Variants in TLK2 observed in about 807,000 individuals in gnomAD.
TLK2 encodes tousled like kinase 2.
Under a neutral mutation model 117.3 loss-of-function variants are expected in TLK2, and 6 were observed. The observed-to-expected ratio is 0.05, with a 90% CI of 0.03 to 0.10. TLK2 has a LOEUF of 0.10. Ranked by LOEUF, TLK2 falls within the 10% of genes least tolerant of loss-of-function variation. The pLI, the probability that TLK2 is intolerant of heterozygous loss-of-function variation, is 1.00. For missense variants in TLK2, 299 were observed against 901.2 expected (o/e 0.33, Z 8.56); for synonymous variants, 257 against 316.7 (o/e 0.81, Z 2.00).
Position 62,560,229 on chromosome 17 carries a change from G to C in TLK2, c.831+103G>C, listed in dbSNP as rs569210359. ...CTTGAGATGAAAATATTTAAAAGTA[G>C]AGCTTTTTAGGAACATGATTTGACA... On this transcript the variant is annotated intron_variant, in intron 10 of 21. Coordinates refer to ENST00000346027, the MANE Select transcript of TLK2 (RefSeq NM_006852.6). 3.0e-5 allele frequency: 25 copies of C among 835,682 alleles called. 1 individual carries two copies. The South Asian group carries it at 5.7e-4, about 19-fold the overall frequency. 51.8% of individuals were successfully genotyped at this position (835,682 alleles called of 1,614,324 possible). A position where few individuals can be genotyped will look rare whatever the true frequency, so the allele number is the denominator to read the frequency against.
chr17:62,489,871 C>A (rs951547018), intron 2 of TLK2, among the ~76,000 whole-genome samples: 4 of 152,080 alleles, frequency 2.6e-5, no homozygotes, highest in African/African-American at 7.2e-5. Flanking sequence ...AGTCAACTTG[C>A]CCAGGCTGGA....
chr17:62,509,952 G>C (rs2075014737), intron 2 of TLK2, among the ~76,000 whole-genome samples: 1 of 152,158 alleles, frequency 6.6e-6, no homozygotes, highest in Non-Finnish European at 1.5e-5. Flanking sequence ...CCAGCCTCCA[G>C]AACTGTCAGA....
intron 13 of TLK2, among the ~76,000 whole-genome samples, chr17:62,577,263 C>G (rs950685017): frequency 3.4e-4 from 51 of 152,086 alleles, no homozygotes; most frequent in African/African-American, 1.1e-3. Context: ...CCATGCCTGG[C>G]CTATCTTTGC....
At chr17:62,594,099 A>C (rs892092448) in intron 16 of TLK2, among the ~76,000 whole-genome samples, 3 of 151,534 alleles carry the variant, frequency 2.0e-5, no homozygotes, top group Non-Finnish European at 4.4e-5. Flanking sequence ...GCTCTCTAAA[A>C]TTTAAATAAT....
intron 1 of TLK2, among the ~76,000 whole-genome samples, chr17:62,472,526 C>T (rs552710977): frequency 6.6e-6 from 1 of 151,908 alleles, no homozygotes; most frequent in South Asian, 2.1e-4. Context: ...ATCACGAGGT[C>T]GGGAGATCGA....
At chr17:62,591,667 A>G (rs1312446319) in intron 16 of TLK2, among the ~76,000 whole-genome samples, 1 of 152,174 alleles carries the variant, frequency 6.6e-6, no homozygotes, top group African/African-American at 2.4e-5. Flanking sequence ...CTAAGCCCAA[A>G]TAGTTTCCAT....
At chr17:62,501,093 C>T (rs568453720) in intron 2 of TLK2, among the ~76,000 whole-genome samples, 31 of 152,096 alleles carry the variant, frequency 2.0e-4, no homozygotes, top group African/African-American at 7.2e-4. Flanking sequence ...AAAAAATTAG[C>T]CGGGCGTGGT....
At chr17:62,538,171 G>A (rs1255708004) in intron 7 of TLK2, among the ~76,000 whole-genome samples, 4 of 151,386 alleles carry the variant, frequency 2.6e-5, no homozygotes, top group Admixed American at 6.6e-5. Context: ...GAGTAGCTGG[G>A]ACTACAGGCA....
rs1555630572 is a variant in TLK2, at chr17:62,549,420, A to AAAAAAAAAAAAAAGT, written c.532-2869_532-2868insGTAAAAAAAAAAAAA. Among the ~76,000 whole-genome samples, 10 of 7,458 alleles carry AAAAAAAAAAAAAAGT rather than the reference A, an allele frequency of 1.3e-3. 1 individual carries two copies. Among genetic ancestry groups the AAAAAAAAAAAAAAGT allele is most frequent in the South Asian group, 0.022 (1 of 46 alleles). The allele number at this position is 7,458 out of a possible 152,430, so 4.9% of individuals were successfully genotyped here. A position where few individuals can be genotyped will look rare whatever the true frequency, so the allele number is the denominator to read the frequency against. The stretch of plus-strand genomic sequence containing the variant: ...TCTCAAAAAAAAAAAAAAAAAAAAA[A>AAAAAAAAAAAAAAGT]AAAAAAAAAAAAAAAAATAGAAACA... On this transcript the variant is annotated intron_variant, in intron 7 of 21. Transcript: ENST00000346027.
chr17:62,552,843 T>C (rs920979308), intron 8 of TLK2, among the ~76,000 whole-genome samples: 1 of 152,308 alleles, frequency 6.6e-6, no homozygotes, highest in South Asian at 2.1e-4. Flanking sequence ...AGTGTACTTG[T>C]AGTAGGCTTT....
At chr17:62,592,804 T>G (rs1489793608) in intron 16 of TLK2, among the ~76,000 whole-genome samples, 1 of 152,172 alleles carries the variant, frequency 6.6e-6, no homozygotes, top group Non-Finnish European at 1.5e-5. Flanking sequence ...TAATGTAGAA[T>G]CAGTGGGAGC....
At chr17:62,504,664 C>T (rs1351205683) in intron 2 of TLK2, among the ~76,000 whole-genome samples, 3 of 151,938 alleles carry the variant, frequency 2.0e-5, no homozygotes, top group Non-Finnish European at 4.4e-5. Context: ...TAAAAAAAGC[C>T]GGACATGGCG....
intron 2 of TLK2, among the ~76,000 whole-genome samples, chr17:62,483,295 A>T (rs1318466178): frequency 2.7e-5 from 4 of 150,216 alleles, no homozygotes; most frequent in Non-Finnish European, 4.4e-5. Context: ...TAGGTTCGTG[A>T]TGGCTGTATT....
At chr17:62,533,679 G>A (rs1382172896) in intron 6 of TLK2, among the ~76,000 whole-genome samples, 2 of 151,802 alleles carry the variant, frequency 1.3e-5, no homozygotes, top group African/African-American at 2.4e-5. Flanking sequence ...GTTTTGCCAC[G>A]TTGGCCAGGC....
chr17:62,569,521 T>C (rs1230389481), intron 11 of TLK2, among the ~76,000 whole-genome samples: 21 of 139,754 alleles, frequency 1.5e-4, no homozygotes, highest in Non-Finnish European at 2.7e-4. Flanking sequence ...CTGCAACCCC[T>C]GCCCCCTGGG....
chr17:62,553,481 C>T, intron 8 of TLK2, 182 bp from the exon 9 acceptor site: 1 of 573,338 alleles, frequency 1.7e-6, no homozygotes, highest in Non-Finnish European at 3.2e-6. Flanking sequence ...ATAAGGAACC[C>T]AGCAGAGGAC....
intron 7 of TLK2, among the ~76,000 whole-genome samples, chr17:62,539,478 T>C (rs941519910): frequency 6.7e-5 from 10 of 149,964 alleles, no homozygotes; most frequent in African/African-American, 2.5e-4. Context: ...CCTCTCTTTT[T>C]TTTTTTTTTT....
chr17:62,509,017 A>G (rs971654822), intron 2 of TLK2, among the ~76,000 whole-genome samples: 1 of 152,236 alleles, frequency 6.6e-6, no homozygotes, highest in African/African-American at 2.4e-5. Flanking sequence ...CAAGAAAAAA[A>G]TTGAGGCGAT....
At chr17:62,587,195 A>T (rs938611186) in intron 16 of TLK2, among the ~76,000 whole-genome samples, 1 of 152,112 alleles carries the variant, frequency 6.6e-6, no homozygotes, top group Non-Finnish European at 1.5e-5. Context: ...TTTTGCCTAT[A>T]TCTCCCCAAG....
Sources: gnomAD v4.1 joint callset for allele counts (sites outside exome capture counted in the v4.1 genomes callset) on GRCh38, gnomAD v4.1.1 for gene constraint, MANE v1.5 for transcripts, NCBI Gene and HGNC (gene_info 2026-07-23, HGNC 2026-07-21) for gene names.